Variants in AGMO observed in about 807,000 individuals in gnomAD.
AGMO encodes the protein alkylglycerol monooxygenase.
A neutral mutation model predicts 60.2 loss-of-function variants in AGMO; 75 were observed. That is an observed-to-expected ratio of 1.25 (90% CI 1.03 to 1.51). The LOEUF (loss-of-function observed/expected upper bound fraction) is 1.51, where lower values mean the gene tolerates loss of function less well. Among genes scored for constraint, AGMO ranks in the 40% most tolerant of loss-of-function variants. The pLI, the probability that AGMO is intolerant of heterozygous loss-of-function variation, is 0.00. For missense variants in AGMO, 763 were observed against 525.5 expected, an observed-to-expected ratio of 1.45 and a Z score of -4.42; for synonymous variants, 261 against 177.1, an observed-to-expected ratio of 1.47 and a Z score of -3.76.
intron 5 of AGMO, among the ~76,000 whole-genome samples, chr7:15,417,062 T>C (rs28736797): frequency 0.01 from 1,549 of 152,264 alleles, 21 homozygotes; most frequent in African/African-American, 0.035. Flanking sequence ...GAGAAATATT[T>C]CAGAAATGTT....
At chr7:15,366,734 T>C (rs28503521) in intron 10 of AGMO, among the ~76,000 whole-genome samples, 3,520 of 152,158 alleles carry the variant, frequency 0.023, 135 homozygotes, top group African/African-American at 0.081. Flanking sequence ...TGCTCATATA[T>C]ACATGTCAAA....
intron 12 of AGMO, among the ~76,000 whole-genome samples, chr7:15,348,205 C>T (rs1044954458): frequency 2.0e-5 from 3 of 151,998 alleles, no homozygotes; most frequent in Non-Finnish European, 2.9e-5. Context: ...GGTCCATATC[C>T]TAATGAGTCA....
intron 12 of AGMO, among the ~76,000 whole-genome samples, chr7:15,276,251 G>C (rs1415428586): frequency 6.6e-6 from 1 of 152,062 alleles, no homozygotes; most frequent in Non-Finnish European, 1.5e-5. Flanking sequence ...CTTAGCATTT[G>C]TTTGTCTGGG....
At chr7:15,355,589 C>T (rs1424043309) in intron 12 of AGMO, among the ~76,000 whole-genome samples, 1 of 151,546 alleles carries the variant, frequency 6.6e-6, no homozygotes, top group Admixed American at 6.6e-5. Context: ...TAATTATAGC[C>T]TGTATTCATA....
rs138839752 is a variant in AGMO at position 15,431,850 on chromosome 7, A to T, written c.410-742T>A. On this transcript the variant is annotated intron_variant, in intron 3 of 12. Coordinates refer to ENST00000342526, the MANE Select transcript of AGMO (RefSeq NM_001004320.2). Reference sequence around the variant, plus strand: ...TCATACTGTCTTGGAATTCATACAGACTCCAAAGAAGTGTGGTTTTTAAAA... The same window carrying T: ...TCATACTGTCTTGGAATTCATACAGTCTCCAAAGAAGTGTGGTTTTTAAAA... 8.0e-3 allele frequency among the ~76,000 whole-genome samples: 1,209 copies of T among 151,812 alleles called. 16 individuals are homozygous for T. The highest frequency in any genetic ancestry group is 0.028 in the African/African-American group (1,141 of 41,474).
At chr7:15,312,288 T>G (rs1780789381) in intron 12 of AGMO, among the ~76,000 whole-genome samples, 1 of 152,012 alleles carries the variant, frequency 6.6e-6, no homozygotes, top group South Asian at 2.1e-4. Context: ...ATTCCAAGCA[T>G]GATAAATAAA....
At chr7:15,265,265 A>C (rs1783398336) in intron 12 of AGMO, among the ~76,000 whole-genome samples, 1 of 152,056 alleles carries the variant, frequency 6.6e-6, no homozygotes, top group African/African-American at 2.4e-5. Flanking sequence ...GGAACAACAG[A>C]CAATGGGGAC....
At chr7:15,511,528 T>G (rs1179045060) in intron 3 of AGMO, among the ~76,000 whole-genome samples, 2 of 152,096 alleles carry the variant, frequency 1.3e-5, no homozygotes, top group Admixed American at 1.3e-4. Context: ...GGCACAAACT[T>G]GGACTTATAA....
At position 15,550,744 on chromosome 7, in the gene AGMO, A is replaced by G. The variant is rs1413177969; in HGVS notation, c.258-5821T>C. Among the ~76,000 whole-genome samples the G allele has an allele frequency of 2.8e-5, 4 of 141,352 alleles. No individual in the cohort carries two copies. The East Asian group carries it at 8.2e-4, about 29-fold the overall frequency. 92.7% of individuals were successfully genotyped at this position (141,352 alleles called of 152,430 possible). A position where few individuals can be genotyped will look rare whatever the true frequency, so the allele number is the denominator to read the frequency against. Reference sequence around the variant, plus strand: ...GCCGAATTCTACCAGAGGTACAAGGAGGAACTGGTACCATTCCTTCTGAAA... The same window carrying G: ...GCCGAATTCTACCAGAGGTACAAGGGGGAACTGGTACCATTCCTTCTGAAA... On this transcript the variant is annotated intron_variant, in intron 2 of 12. Coordinates refer to ENST00000342526, the MANE Select transcript of AGMO (RefSeq NM_001004320.2).
chr7:15,534,404 A>C (rs762332295), intron 3 of AGMO, among the ~76,000 whole-genome samples: 4 of 152,030 alleles, frequency 2.6e-5, no homozygotes, highest in Admixed American at 1.3e-4. Flanking sequence ...ACTAGAAAGA[A>C]ATCAAATTCC....
chr7:15,514,323 G>A (rs551078169), intron 3 of AGMO, among the ~76,000 whole-genome samples: 1 of 152,072 alleles, frequency 6.6e-6, no homozygotes, highest in East Asian at 1.9e-4. Context: ...TAATTCTTAC[G>A]GATTCTGGAA....
At chr7:15,393,022 T>C (rs1025492243) in intron 6 of AGMO, among the ~76,000 whole-genome samples, 1 of 152,206 alleles carries the variant, frequency 6.6e-6, no homozygotes, top group African/African-American at 2.4e-5. Flanking sequence ...GCTATATGGG[T>C]TCTCAAGGTA....
At chr7:15,265,714 G>A (rs1783412650) in intron 12 of AGMO, among the ~76,000 whole-genome samples, 1 of 152,018 alleles carries the variant, frequency 6.6e-6, no homozygotes, top group African/African-American at 2.4e-5. Context: ...AAAGGCAACA[G>A]TCACTGTGGA....
intron 12 of AGMO, among the ~76,000 whole-genome samples, chr7:15,246,023 T>C (rs1472767639): frequency 6.6e-6 from 1 of 152,052 alleles, no homozygotes; most frequent in Non-Finnish European, 1.5e-5. Context: ...AATAAAAGCA[T>C]TTTCCTTGAA....
At chr7:15,177,123 A>G in the AGMO span, among the ~76,000 whole-genome samples, 1 of 151,946 alleles carries the variant, frequency 6.6e-6, no homozygotes, top group Non-Finnish European at 1.5e-5. Context: ...ATTTAAAAAC[A>G]TTTTTTTTGG....
At chr7:15,219,757 A>ACTTTCCCTCT (rs1276490387) in intron 12 of AGMO, among the ~76,000 whole-genome samples, 16 of 152,174 alleles carry the variant, frequency 1.1e-4, no homozygotes, top group Non-Finnish European at 2.1e-4. Context: ...GAGGGAAAGT[A>ACTTTCCCTCT]GTATTGGCTA....
the AGMO span, among the ~76,000 whole-genome samples, chr7:15,129,014 G>A: frequency 2.1e-4 from 32 of 152,158 alleles, no homozygotes; most frequent in Middle Eastern, 3.4e-3. Flanking sequence ...GTTTGAATGC[G>A]GGTGGTGGTG....
chr7:15,527,322 C>T lies in AGMO; in HGVS notation c.409+17450G>A, dbSNP rs565752440. Among the ~76,000 whole-genome samples the T allele has an allele frequency of 3.9e-5, 6 of 152,232 alleles. No homozygotes were observed. In the South Asian group the frequency reaches 1.2e-3, roughly 32 times the overall value. ...ATGAATGATAAGAAAGCAAAACAGC[C>T]TCATTGCTGATTTGAAACAAGTTTT... On this transcript the variant is annotated intron_variant, in intron 3 of 12. Coordinates refer to ENST00000342526, the MANE Select transcript of AGMO (RefSeq NM_001004320.2).
chr7:15,367,724 T>A (rs1783041138), intron 10 of AGMO, among the ~76,000 whole-genome samples: 1 of 152,218 alleles, frequency 6.6e-6, no homozygotes, highest in African/African-American at 2.4e-5. Flanking sequence ...ACACAGTTCC[T>A]GGATGAGTTC....
Sources: allele counts gnomAD v4.1 joint callset (sites outside exome capture counted in the v4.1 genomes callset), GRCh38; gene constraint gnomAD v4.1.1; transcripts MANE v1.5; gene names NCBI Gene and HGNC (gene_info 2026-07-23, HGNC 2026-07-21).